Variants in PDZRN3 observed in about 807,000 individuals in gnomAD.
PDZRN3 encodes E3 ubiquitin-protein ligase PDZRN3.
Under a neutral mutation model 85.7 loss-of-function variants are expected in PDZRN3, and 38 were observed. That is an observed-to-expected ratio of 0.44 (90% CI 0.34 to 0.58). PDZRN3 has a LOEUF of 0.58. PDZRN3 is among the 20% of genes least tolerant of loss of function. The pLI is 0.01. For missense variants in PDZRN3, 1,629 were observed against 1,506.4 expected (o/e 1.08, Z -1.35); for synonymous variants, 759 against 638.0 (o/e 1.19, Z -2.86).
intron 3 of PDZRN3, among the ~76,000 whole-genome samples, chr3:73,600,185 A>C (rs1364432067): frequency 1.3e-5 from 2 of 152,164 alleles, no homozygotes; most frequent in African/African-American, 4.8e-5. Context: ...TGGATTTAAT[A>C]ATACCCCTTT....
chr3:73,521,892 CCT>C (rs1173617923), intron 3 of PDZRN3, among the ~76,000 whole-genome samples: 2 of 152,102 alleles, frequency 1.3e-5, no homozygotes, highest in Admixed American at 1.3e-4. Flanking sequence ...TGCACCTCTC[CCT>C]CTCTGTTTTG....
At chr3:73,476,034 T>C (rs899940078) in intron 3 of PDZRN3, among the ~76,000 whole-genome samples, 1 of 152,226 alleles carries the variant, frequency 6.6e-6, no homozygotes, top group African/African-American at 2.4e-5. Context: ...TTTTGGAATG[T>C]GATTTAACAT....
chr3:73,478,755 T>C (rs961248091), intron 3 of PDZRN3, among the ~76,000 whole-genome samples: 2 of 152,162 alleles, frequency 1.3e-5, no homozygotes, highest in Non-Finnish European at 2.9e-5. Context: ...GTAATAGTTG[T>C]AGAATTTTAA....
chr3:73,569,419 T>C (rs1702009784), intron 3 of PDZRN3: 19 of 1,154,104 alleles, frequency 1.6e-5, no homozygotes, highest in Non-Finnish European at 2.0e-5. Flanking sequence ...ACATATTTCC[T>C]GTCTCTTCCA....
At chr3:73,558,921 G>A (rs541693795) in intron 3 of PDZRN3, among the ~76,000 whole-genome samples, 12 of 152,306 alleles carry the variant, frequency 7.9e-5, no homozygotes, top group East Asian at 5.8e-4. Flanking sequence ...AAGGACATGC[G>A]TCTGCTCTGT....
chr3:73,551,493 G>T (rs1346272785), intron 3 of PDZRN3, among the ~76,000 whole-genome samples: 1 of 152,088 alleles, frequency 6.6e-6, no homozygotes, highest in Non-Finnish European at 1.5e-5. Flanking sequence ...GACTGGCCTA[G>T]GCCACACAGT....
chr3:73,588,038 T>C (rs1481926040), intron 3 of PDZRN3, among the ~76,000 whole-genome samples: 2 of 152,196 alleles, frequency 1.3e-5, no homozygotes, highest in African/African-American at 2.4e-5. Flanking sequence ...ATGTGTGCCA[T>C]GGTGGTTTGC....
intron 3 of PDZRN3, among the ~76,000 whole-genome samples, chr3:73,408,587 GA>G (rs1203337266): frequency 3.2e-4 from 48 of 148,178 alleles, no homozygotes; most frequent in South Asian, 1.3e-3. Flanking sequence ...ATTCTTGGAG[GA>G]GGGGGGGGGG....
chr3:73,464,734 A>C (rs1291342105), intron 3 of PDZRN3, among the ~76,000 whole-genome samples: 1 of 152,170 alleles, frequency 6.6e-6, no homozygotes. Flanking sequence ...TTCTGCTCTA[A>C]ATTTTTTATT....
At chr3:73,414,438 T>G (rs12490224) in intron 3 of PDZRN3, among the ~76,000 whole-genome samples, 97,689 of 152,048 alleles carry the variant, frequency 0.64, 31,666 homozygotes, top group East Asian at 0.86. Context: ...TTGTTCTTTT[T>G]TTTTGTTTTG....
At chr3:73,402,281 G>A (rs907216238) in intron 4 of PDZRN3, among the ~76,000 whole-genome samples, 1 of 152,236 alleles carries the variant, frequency 6.6e-6, no homozygotes, top group African/African-American at 2.4e-5. Context: ...AGAGTCAGAA[G>A]TAGCCTTAAA....
chr3:73,469,096 TGAA>T (rs1485990269), intron 3 of PDZRN3, among the ~76,000 whole-genome samples: 1 of 151,324 alleles, frequency 6.6e-6, no homozygotes, highest in Non-Finnish European at 1.5e-5. Flanking sequence ...TTTTTTGAGA[TGAA>T]GTCTCACTCT....
In PDZRN3 at chr3:73,384,373, G is replaced by A; in HGVS notation, c.2193C>T (p.Thr731=). 6.2e-7 allele frequency: 1 copy of A among 1,609,468 alleles called. No homozygotes were observed. The highest frequency in any genetic ancestry group is 8.5e-7 in the Non-Finnish European group (1 of 1,179,918). The stretch of plus-strand genomic sequence containing the variant: ...GCTCGTGTCTGCGCACGTCGATGCT[G>A]GTGTTGTAGTTGCGGAAGCCGCTGT... The part of the protein sequence containing the change: ...LHNSGFRNYN[T]SIDVRRHELS... Residue 731 remains threonine (T), a synonymous_variant, in exon 10 of 10, where the codon ACC becomes ACT. Transcript: ENST00000263666.
At chr3:73,582,187 C>G (rs952316143) in intron 3 of PDZRN3, among the ~76,000 whole-genome samples, 1 of 152,174 alleles carries the variant, frequency 6.6e-6, no homozygotes, top group Non-Finnish European at 1.5e-5. Flanking sequence ...AGGCTTTGTG[C>G]TGGGCTGCAA....
In PDZRN3 at chr3:73,573,864, T is replaced by C. The variant is rs183872422; in HGVS notation, c.918+28490A>G. Among the ~76,000 whole-genome samples the C allele has an allele frequency of 6.6e-5, 10 of 151,718 alleles. No homozygotes were observed. In the East Asian group the frequency reaches 9.7e-4, roughly 15 times the overall value. Reference sequence around the variant, plus strand: ...ACATATACATATACGGTCCTTACCATAGTCAGCTCTAAACATTAACCCATA... The same window carrying C: ...ACATATACATATACGGTCCTTACCACAGTCAGCTCTAAACATTAACCCATA... On this transcript the variant is annotated intron_variant, in intron 3 of 9. Transcript: ENST00000263666.
At chr3:73,436,559 T>C (rs543712293) in intron 3 of PDZRN3, among the ~76,000 whole-genome samples, 2 of 152,320 alleles carry the variant, frequency 1.3e-5, no homozygotes, top group African/African-American at 4.8e-5. Context: ...ACCTTTTTCC[T>C]GCACATCCAC....
At chr3:73,455,290 A>C (rs1422301482) in intron 3 of PDZRN3, among the ~76,000 whole-genome samples, 1 of 152,234 alleles carries the variant, frequency 6.6e-6, no homozygotes, top group Non-Finnish European at 1.5e-5. Flanking sequence ...CAGTTTGTAG[A>C]CAAGAAAGGT....
At chr3:73,401,620 G>A (rs1575624452) in intron 4 of PDZRN3, 1 of 152,452 alleles carries the variant, frequency 6.6e-6, no homozygotes, top group African/African-American at 2.4e-5. Context: ...CATATAATGA[G>A]TACACACACA....
At chr3:73,514,160 T>C (rs933723779) in intron 3 of PDZRN3, among the ~76,000 whole-genome samples, 3 of 152,224 alleles carry the variant, frequency 2.0e-5, no homozygotes, top group Admixed American at 6.5e-5. Flanking sequence ...GCTTTGATCA[T>C]GTTGAAAGGA....
Sources: allele counts gnomAD v4.1 joint callset (sites outside exome capture counted in the v4.1 genomes callset), GRCh38; gene constraint gnomAD v4.1.1; transcripts MANE v1.5; gene names NCBI Gene and HGNC (gene_info 2026-07-23, HGNC 2026-07-21).